Variants in MYOM2 observed in about 807,000 individuals in gnomAD.
MYOM2 encodes the protein myomesin-2.
Under a neutral mutation model 187.6 loss-of-function variants are expected in MYOM2, and 254 were observed. The observed-to-expected ratio is 1.35, with a 90% CI of 1.22 to 1.50. MYOM2 has a LOEUF of 1.50. Ranked by LOEUF, MYOM2 falls within the 40% of genes most tolerant of loss-of-function variation. The pLI is 0.00. For synonymous variants in MYOM2, 981 were observed against 753.8 expected, an observed-to-expected ratio of 1.30 and a Z score of -4.94; for missense variants, 2,796 against 1,924.0, an observed-to-expected ratio of 1.45 and a Z score of -8.48.
At chr8:2,061,678 A>G (rs2129330914) in intron 6 of MYOM2, among the ~76,000 whole-genome samples, 2 of 152,290 alleles carry the variant, frequency 1.3e-5, no homozygotes, top group South Asian at 4.1e-4. Context: ...TCCTGCTGGA[A>G]TGGTCCACCC....
chr8:2,061,212 T>C (rs1447414754), intron 6 of MYOM2, among the ~76,000 whole-genome samples: 1 of 151,672 alleles, frequency 6.6e-6, no homozygotes, highest in Non-Finnish European at 1.5e-5. Flanking sequence ...CCATCCAGCC[T>C]GGTGTTTAGT....
intron 3 of MYOM2, among the ~76,000 whole-genome samples, chr8:2,054,109 A>G (rs1818580190): frequency 6.6e-6 from 1 of 152,188 alleles, no homozygotes; most frequent in African/African-American, 2.4e-5. Context: ...ACGGGCTGCA[A>G]GCATCATCAC....
At chr8:2,051,764 C>A (rs942406897) in intron 2 of MYOM2, among the ~76,000 whole-genome samples, 1 of 152,174 alleles carries the variant, frequency 6.6e-6, no homozygotes, top group Non-Finnish European at 1.5e-5. Flanking sequence ...CCAGGGCGGG[C>A]ATGTGCGGGG....
In MYOM2 at chr8:2,092,956, C is replaced by T. The variant is rs929537287; in HGVS notation, c.2003+436C>T. ...GAGACCCCACCGGGCGCCGACTCTT[C>T]GCTTGTGGTGGGGGCAGCCTCGGGG... On this transcript the variant is annotated intron_variant, in intron 16 of 36. Coordinates refer to ENST00000262113, the MANE Select transcript of MYOM2 (RefSeq NM_003970.4). Among the ~76,000 whole-genome samples the T allele has an allele frequency of 2.0e-5, 3 of 152,280 alleles. No homozygotes were observed. In the South Asian group the frequency reaches 6.2e-4, roughly 32 times the overall value.
intron 16 of MYOM2, 61 bp from the exon 17 acceptor site, chr8:2,093,909 C>G: frequency 6.3e-7 from 1 of 1,579,032 alleles, no homozygotes; most frequent in Non-Finnish European, 8.6e-7. Context: ...ATTTTTGCTT[C>G]TGCTGCAGGA....
chr8:2,134,306 G>A (rs1013604741), intron 32 of MYOM2, among the ~76,000 whole-genome samples: 9 of 152,278 alleles, frequency 5.9e-5, no homozygotes, highest in African/African-American at 1.9e-4. Flanking sequence ...TCACTCGGAA[G>A]CACGCCCCTC....
rs62480486 is a variant in MYOM2, at chr8:2,054,993, G to A, written c.264-2355G>A. The stretch of plus-strand genomic sequence containing the variant: ...CCAAGTACCTGGATACTGGGGGGAC[G>A]AAGTACCTGGATACTGGGGAACCAA... On this transcript the variant is annotated intron_variant, in intron 3 of 36. Transcript: ENST00000262113. Among the ~76,000 whole-genome samples the A allele has an allele frequency of 2.1e-4, 8 of 37,234 alleles. 1 individual carries two copies. The highest frequency in any genetic ancestry group is 4.6e-4 in the African/African-American group (7 of 15,062). The allele number at this position is 37,234 out of a possible 152,430, so 24.4% of individuals were successfully genotyped here. A position where few individuals can be genotyped will look rare whatever the true frequency, so the allele number is the denominator to read the frequency against.
chr8:2,051,163 G>C (rs1350617456), intron 2 of MYOM2, among the ~76,000 whole-genome samples: 1 of 108,310 alleles, frequency 9.2e-6, no homozygotes, highest in South Asian at 3.8e-4. Context: ...ATGCCTTCCA[G>C]AACTAGGATC....
intron 27 of MYOM2, among the ~76,000 whole-genome samples, chr8:2,117,611 C>T (rs1248801041): frequency 6.6e-6 from 1 of 152,096 alleles, no homozygotes; most frequent in Non-Finnish European, 1.5e-5. Flanking sequence ...AAGAAGGAGC[C>T]ATCAGACGTA....
intron 34 of MYOM2, 46 bp from the exon 35 acceptor site, chr8:2,142,329 C>T: frequency 1.3e-6 from 2 of 1,597,398 alleles, no homozygotes; most frequent in Non-Finnish European, 1.7e-6. Context: ...AGCATTTTCT[C>T]ATACTCTCTT....
intron 21 of MYOM2, among the ~76,000 whole-genome samples, chr8:2,104,026 GAGA>G (rs1444919062): frequency 1.3e-5 from 2 of 152,188 alleles, no homozygotes; most frequent in Non-Finnish European, 2.9e-5. Flanking sequence ...GGCCCTGGAT[GAGA>G]AGGAGAGCAC....
chr8:2,048,280 C>G (rs943550194), intron 1 of MYOM2, among the ~76,000 whole-genome samples: 12 of 152,240 alleles, frequency 7.9e-5, no homozygotes, highest in Non-Finnish European at 1.3e-4. Flanking sequence ...CGGATGGAAG[C>G]TGAAACGTCT....
intron 34 of MYOM2, among the ~76,000 whole-genome samples, 156 bp downstream of exon 34, chr8:2,141,333 G>A (rs907974491): frequency 6.6e-6 from 1 of 152,202 alleles, no homozygotes; most frequent in African/African-American, 2.4e-5. Flanking sequence ...AGTATATGGA[G>A]GGGTGGGCAT....
rs773600572 is a variant in MYOM2, at chr8:2,073,371, A to G, written c.991A>G (p.Met331Val). ...VLLKESKWTK[M>V]FFGEGQASLS... ...GTTGAAAGAGTCCAAGTGGACGAAGATGTTCTTTGGAGAAGGCCAGGCCTC... is the reference window on the plus strand; with the variant it reads ...GTTGAAAGAGTCCAAGTGGACGAAGGTGTTCTTTGGAGAAGGCCAGGCCTC... Residue 331 changes from methionine (M) to valine (V), a missense_variant, in exon 10 of 37, where the codon ATG becomes GTG. Coordinates refer to ENST00000262113, the MANE Select transcript of MYOM2 (RefSeq NM_003970.4). 4 of 1,612,774 alleles carry G rather than the reference A, an allele frequency of 2.5e-6. No individual in the cohort carries two copies. The highest frequency in any genetic ancestry group is 2.2e-5 in the East Asian group (1 of 44,808).
At chr8:2,085,603 G>A (rs879241001) in intron 14 of MYOM2, among the ~76,000 whole-genome samples, 772 of 2,996 alleles carry the variant, frequency 0.26, 277 homozygotes, top group Non-Finnish European at 0.28. Flanking sequence ...CCCCACTGTC[G>A]TGATCTCTGC....
At position 2,129,197 on chromosome 8, in the gene MYOM2, T is replaced by C. The variant is rs1797764818; in HGVS notation, c.3765T>C (p.Tyr1255=). Residue 1255 remains tyrosine (Y), a synonymous_variant, in exon 32 of 37, where the codon TAT becomes TAC. Coordinates refer to ENST00000262113, the MANE Select transcript of MYOM2 (RefSeq NM_003970.4). ...EGIRLQCFMK[Y]FTDEMKVNWC... ...TACGACTTCAGTGTTTCATGAAGTATTTTACAGACGAAATGAAAGTGAACT... is the reference window on the plus strand; with the variant it reads ...TACGACTTCAGTGTTTCATGAAGTACTTTACAGACGAAATGAAAGTGAACT... The C allele has an allele frequency of 6.2e-7, 1 of 1,611,470 alleles. No individual in the cohort carries two copies. The highest frequency in any genetic ancestry group is 8.5e-7 in the Non-Finnish European group (1 of 1,177,708).
chr8:2,048,352 C>T (rs1178431811), intron 1 of MYOM2, among the ~76,000 whole-genome samples: 1 of 152,222 alleles, frequency 6.6e-6, no homozygotes, highest in Non-Finnish European at 1.5e-5. Context: ...TGGTGAACTC[C>T]AGAGAGAGTA....
intron 9 of MYOM2, 135 bp downstream of exon 9, chr8:2,072,644 C>A: frequency 1.8e-6 from 2 of 1,106,286 alleles, no homozygotes; most frequent in Non-Finnish European, 2.5e-6. Context: ...AACTGAGGGA[C>A]TGTAGAGGAC....
chr8:2,060,979 C>T (rs953479970), intron 6 of MYOM2, among the ~76,000 whole-genome samples: 3 of 151,940 alleles, frequency 2.0e-5, no homozygotes, highest in South Asian at 2.1e-4. Flanking sequence ...GAGGGGGTTC[C>T]GGCCGAGCCT....
Sources: gnomAD v4.1 joint callset for allele counts (sites outside exome capture counted in the v4.1 genomes callset) on GRCh38, gnomAD v4.1.1 for gene constraint, MANE v1.5 for transcripts, NCBI Gene and HGNC (gene_info 2026-07-23, HGNC 2026-07-21) for gene names.